RARB: variants seen among roughly 807,000 people sequenced by gnomAD.
The protein encoded by RARB is retinoic acid receptor beta.
RARB carries 17 observed loss-of-function variants against 51.9 expected under a neutral mutation model. The ratio of observed to expected loss-of-function variants is 0.33; its 90% CI spans 0.22 to 0.49. RARB has a LOEUF of 0.49. RARB is among the 20% of genes least tolerant of loss of function. RARB has a pLI of 0.99. For missense variants in RARB, 369 were observed against 550.8 expected (o/e 0.67, Z 3.30); for synonymous variants, 215 against 195.4 (o/e 1.10, Z -0.84).
intron 3 of RARB, among the ~76,000 whole-genome samples, chr3:25,549,440 T>C (rs763955995): frequency 6.6e-6 from 1 of 152,032 alleles, no homozygotes; most frequent in Non-Finnish European, 1.5e-5. Flanking sequence ...CTCGGCCAAA[T>C]TGGTAGAGGA....
chr3:25,415,649 G>A (rs1337816058), intron 5 of RARB, among the ~76,000 whole-genome samples: 1 of 152,142 alleles, frequency 6.6e-6, no homozygotes, highest in African/African-American at 2.4e-5. Context: ...TTTTAATGAT[G>A]TCTTCTAATA....
At chr3:25,447,436 T>C (rs1708998114) in intron 1 of RARB, among the ~76,000 whole-genome samples, 1 of 152,242 alleles carries the variant, frequency 6.6e-6, no homozygotes, top group Non-Finnish European at 1.5e-5. Flanking sequence ...GGGCAGGAGA[T>C]AGTGTATTCT....
intron 5 of RARB, among the ~76,000 whole-genome samples, chr3:25,412,017 T>G (rs932425933): frequency 2.0e-5 from 3 of 152,334 alleles, no homozygotes; most frequent in Middle Eastern, 6.8e-3. Context: ...AACATTCTCT[T>G]TCTTCCAGGA....
intron 2 of RARB, among the ~76,000 whole-genome samples, chr3:25,057,804 T>A (rs1443987263): frequency 6.6e-6 from 1 of 152,000 alleles, no homozygotes; most frequent in East Asian, 1.9e-4. Flanking sequence ...TTAAAATAAA[T>A]TGAATTTTTT....
intron 5 of RARB, among the ~76,000 whole-genome samples, chr3:25,349,951 A>T (rs1226647567): frequency 6.6e-6 from 1 of 151,832 alleles, no homozygotes; most frequent in Non-Finnish European, 1.5e-5. Context: ...ACAAGTTGGT[A>T]CTGGAGCTGT....
chr3:24,971,939 A>G lies in RARB; in HGVS notation c.-379-88186A>G, dbSNP rs893877141. On this transcript the variant is annotated intron_variant, in intron 2 of 11. Coordinates refer to the RARB transcript ENST00000383772. ...TTTGGGCTACATGTGATAATTTGATACATGTGTATAATCAATTCAGGGTAA... is the reference window on the plus strand; with the variant it reads ...TTTGGGCTACATGTGATAATTTGATGCATGTGTATAATCAATTCAGGGTAA... Among the ~76,000 whole-genome samples the G allele has an allele frequency of 2.6e-5, 4 of 151,894 alleles. No homozygotes were observed. The Admixed American group carries it at 2.6e-4, about 10-fold the overall frequency.
intron 5 of RARB, among the ~76,000 whole-genome samples, chr3:25,367,653 A>T (rs1575347421): frequency 9.5e-5 from 1 of 10,556 alleles, no homozygotes; most frequent in South Asian, 2.9e-3. Flanking sequence ...CCATCTCTAT[A>T]AAAAAAAAAA....
At chr3:25,058,210 G>C (rs1052653935) in intron 2 of RARB, among the ~76,000 whole-genome samples, 3 of 151,942 alleles carry the variant, frequency 2.0e-5, no homozygotes, top group African/African-American at 7.2e-5. Flanking sequence ...TGGCAGTATA[G>C]GTAAAGAAGG....
chr3:25,404,176 C>A (rs541293957), intron 5 of RARB, among the ~76,000 whole-genome samples: 39 of 152,142 alleles, frequency 2.6e-4, no homozygotes, highest in Non-Finnish European at 4.6e-4. Context: ...TTGCTTTACA[C>A]TTTTTTCAGT....
intron 3 of RARB, among the ~76,000 whole-genome samples, chr3:25,526,231 C>T (rs1698640488): frequency 2.6e-5 from 4 of 152,116 alleles, no homozygotes; most frequent in Non-Finnish European, 5.9e-5. Flanking sequence ...TGAAAGAAGA[C>T]TGCTGGGGCT....
At chr3:25,315,972 G>C (rs1704413825) in intron 5 of RARB, among the ~76,000 whole-genome samples, 1 of 152,018 alleles carries the variant, frequency 6.6e-6, no homozygotes, top group African/African-American at 2.4e-5. Context: ...TAAAATATTT[G>C]TAACTACTTG....
At chr3:25,272,516 A>G (rs557804087) in intron 5 of RARB, among the ~76,000 whole-genome samples, 1 of 152,346 alleles carries the variant, frequency 6.6e-6, no homozygotes, top group South Asian at 2.1e-4. Flanking sequence ...TACATCACTC[A>G]GGTATCCCCT....
chr3:25,567,755 C>T (rs1700557345), intron 3 of RARB, among the ~76,000 whole-genome samples: 1 of 152,168 alleles, frequency 6.6e-6, no homozygotes, highest in African/African-American at 2.4e-5. Flanking sequence ...TTCAGAAGGA[C>T]CCTCCCTGCT....
chr3:25,555,442 A>G (rs1700019161), intron 3 of RARB: 1 of 152,216 alleles, frequency 6.6e-6, no homozygotes, highest in Admixed American at 6.5e-5. Context: ...AGAAGAAAAT[A>G]AACACCAAGA....
At chr3:25,062,614 C>G (rs895546941) in intron 3 of RARB, among the ~76,000 whole-genome samples, 1 of 151,790 alleles carries the variant, frequency 6.6e-6, no homozygotes, top group Non-Finnish European at 1.5e-5. Context: ...TTGCTATAAC[C>G]TGGATAAACC....
intron 5 of RARB, among the ~76,000 whole-genome samples, chr3:25,285,700 C>T (rs996803883): frequency 6.6e-6 from 1 of 152,144 alleles, no homozygotes; most frequent in Non-Finnish European, 1.5e-5. Flanking sequence ...GGAGGGAATG[C>T]AGAGGACGCA....
At position 25,240,035 on chromosome 3, in the gene RARB, G is replaced by A. The variant is rs117325936; in HGVS notation, c.178+65460G>A. On this transcript the variant is annotated intron_variant, in intron 5 of 11. Coordinates refer to the RARB transcript ENST00000383772. ...TGGTTAAATTTTTTCCTAGGTTGTT[G>A]GTGTTTGTTTGTTTTTTTTTTGTTA... is the stretch of plus-strand genomic sequence containing the variant. Among the ~76,000 whole-genome samples, 1,440 of 149,412 alleles carry A rather than the reference G, an allele frequency of 9.6e-3. 22 individuals are homozygous for A. The highest frequency in any genetic ancestry group is 0.041 in the East Asian group (212 of 5,112).
chr3:25,149,405 G>C (rs2125340760), intron 4 of RARB, among the ~76,000 whole-genome samples: 1 of 152,294 alleles, frequency 6.6e-6, no homozygotes, highest in South Asian at 2.1e-4. Context: ...ATATAATAAA[G>C]AGCATATATG....
intron 2 of RARB, among the ~76,000 whole-genome samples, chr3:25,052,896 A>G (rs773190408): frequency 2.6e-5 from 4 of 152,130 alleles, no homozygotes; most frequent in Non-Finnish European, 5.9e-5. Context: ...AGAAAAAAAA[A>G]AAAGATTCTA....
Sources: allele counts gnomAD v4.1 joint callset (sites outside exome capture counted in the v4.1 genomes callset), GRCh38; gene constraint gnomAD v4.1.1; transcripts MANE v1.5; gene names NCBI Gene and HGNC (gene_info 2026-07-23, HGNC 2026-07-21).